The following HIF3A variants were observed in gnomAD, a reference collection of about 807,000 sequenced individuals.
HIF3A encodes the protein hypoxia-inducible factor 3-alpha.
Under a neutral mutation model 67.2 loss-of-function variants are expected in HIF3A, and 41 were observed. The ratio of observed to expected loss-of-function variants is 0.61; its 90% confidence interval spans 0.48 to 0.79. The LOEUF (loss-of-function observed/expected upper bound fraction) is 0.79, where lower values mean the gene tolerates loss of function less well. HIF3A is among the 30% of genes least tolerant of loss of function. The pLI, the probability that HIF3A is intolerant of heterozygous loss-of-function variation, is 0.00. For synonymous variants in HIF3A, 356 were observed against 374.8 expected (o/e 0.95, Z 0.58); for missense variants, 855 against 898.0 (o/e 0.95, Z 0.61).
At chr19:46,333,810 T>G (rs1304580089) in intron 13 of HIF3A, among the ~76,000 whole-genome samples, 1 of 143,862 alleles carries the variant, frequency 7.0e-6, no homozygotes, top group Non-Finnish European at 1.5e-5. Flanking sequence ...TTTTTTTTTT[T>G]GAGACAGAGT....
chr19:46,311,756 G>T (rs2147170962), intron 6 of HIF3A, among the ~76,000 whole-genome samples: 1 of 152,144 alleles, frequency 6.6e-6, no homozygotes, highest in Middle Eastern at 3.4e-3. Flanking sequence ...AGCTACTCAG[G>T]AGGCTGAGTC....
At chr19:46,330,055 G>A (rs1971084015) in intron 12 of HIF3A, among the ~76,000 whole-genome samples, 2 of 151,082 alleles carry the variant, frequency 1.3e-5, no homozygotes, top group African/African-American at 2.4e-5. Flanking sequence ...GAAGGAGGGA[G>A]GGAGGGAGGG....
chr19:46,325,889 AG>A (rs1452667201), intron 11 of HIF3A, among the ~76,000 whole-genome samples: 1 of 152,148 alleles, frequency 6.6e-6, no homozygotes, highest in African/African-American at 2.4e-5. Flanking sequence ...AAAAATGGAT[AG>A]GTGATACTTG....
At chr19:46,337,299 G>A (rs1971697617) in intron 14 of HIF3A, among the ~76,000 whole-genome samples, 1 of 152,040 alleles carries the variant, frequency 6.6e-6, no homozygotes, top group African/African-American at 2.4e-5. Context: ...TGCCCAGGCT[G>A]GAGCACAGTG....
At chr19:46,305,499 G>A in intron 3 of HIF3A, 109 bp downstream of exon 3, 2 of 1,063,754 alleles carry the variant, frequency 1.9e-6, no homozygotes, top group Non-Finnish European at 2.7e-6. Flanking sequence ...CAATACAAAG[G>A]GGATATAGGT....
intron 11 of HIF3A, among the ~76,000 whole-genome samples, chr19:46,327,119 C>T (rs1013980548): frequency 5.3e-5 from 8 of 151,938 alleles, no homozygotes; most frequent in African/African-American, 1.7e-4. Flanking sequence ...TGTGCCACTG[C>T]ACTCCAGCCT....
chr19:46,332,574 T>C (rs1971312577), intron 13 of HIF3A, among the ~76,000 whole-genome samples: 1 of 152,170 alleles, frequency 6.6e-6, no homozygotes, highest in Non-Finnish European at 1.5e-5. Flanking sequence ...GCCTGGACTA[T>C]GTCACTTCTG....
At chr19:46,313,143 C>T (rs1040221437) in intron 8 of HIF3A, 15 of 538,544 alleles carry the variant, frequency 2.8e-5, no homozygotes, top group African/African-American at 2.7e-4. Flanking sequence ...CCCAACTACT[C>T]GGGAGGCTGA....
chr19:46,309,424 C>A, intron 6 of HIF3A, 65 bp downstream of exon 6: 3 of 998,708 alleles, frequency 3.0e-6, no homozygotes, highest in Admixed American at 2.4e-5. Context: ...CACCTCCACA[C>A]TCCCGCATTT....
intron 10 of HIF3A, 73 bp from the exon 11 acceptor site, chr19:46,325,462 G>A: frequency 9.5e-7 from 1 of 1,048,700 alleles, no homozygotes; most frequent in African/African-American, 1.6e-5. Flanking sequence ...CTACCCTTGA[G>A]CTGCAGACTG....
intron 1 of HIF3A, among the ~76,000 whole-genome samples, chr19:46,302,150 G>C (rs766547887): frequency 2.6e-5 from 4 of 151,724 alleles, no homozygotes; most frequent in Non-Finnish European, 5.9e-5. Context: ...TTTGTTTTGA[G>C]ACGGAGTCTC....
chr19:46,302,074 A>G (rs1049312432), intron 1 of HIF3A, among the ~76,000 whole-genome samples: 2 of 152,114 alleles, frequency 1.3e-5, no homozygotes, highest in Non-Finnish European at 1.5e-5. Context: ...AACACATCAT[A>G]TAATAATTTT....
At chr19:46,317,412 C>T (rs1338995195) in intron 8 of HIF3A, among the ~76,000 whole-genome samples, 1 of 152,110 alleles carries the variant, frequency 6.6e-6, no homozygotes, top group Non-Finnish European at 1.5e-5. Flanking sequence ...TGAAGCTCCC[C>T]AGTATCCTCA....
Position 46,312,565 on chromosome 19 carries a change from T to C in HIF3A, c.937T>C (p.Tyr313His). Residue 313 changes from tyrosine (Y) to histidine (H), a missense_variant, in exon 8 of 15, where the codon TAC becomes CAC. This residue lies in a region of HIF3A where 638 missense variants were observed against 660.5 expected (regional missense o/e 0.97). Transcript: ENST00000377670. ...QYRFLARSGG[Y>H]LWTQTQATVV... ...TCGCTTCCTGGCCCGGAGTGGTGGCTACCTGTGGACCCAGACCCAGGCCAC... is the reference window on the plus strand; with the variant it reads ...TCGCTTCCTGGCCCGGAGTGGTGGCCACCTGTGGACCCAGACCCAGGCCAC... 2 of 1,613,248 alleles carry C rather than the reference T, an allele frequency of 1.2e-6. No homozygotes were observed. The highest frequency in any genetic ancestry group is 2.2e-5 in the South Asian group (2 of 90,880).
At chr19:46,317,947 T>G (rs576764272) in intron 8 of HIF3A, among the ~76,000 whole-genome samples, 11 of 152,196 alleles carry the variant, frequency 7.2e-5, no homozygotes, top group African/African-American at 2.6e-4. Context: ...CAAGTGATTC[T>G]CCTGTCTCAA....
intron 10 of HIF3A, among the ~76,000 whole-genome samples, chr19:46,322,737 G>A (rs554213530): frequency 6.6e-6 from 1 of 152,070 alleles, no homozygotes; most frequent in Non-Finnish European, 1.5e-5. Flanking sequence ...CACCGTACCT[G>A]GCTCTTTGGG....
intron 14 of HIF3A, among the ~76,000 whole-genome samples, chr19:46,336,071 TTC>T (rs1342682466): frequency 3.4e-5 from 5 of 149,002 alleles, no homozygotes; most frequent in Admixed American, 6.8e-5. Flanking sequence ...TTTATTTTCT[TTC>T]TCTCTCTCTC....
At chr19:46,304,297 C>T (rs1216722223) in intron 2 of HIF3A, 5 of 590,864 alleles carry the variant, frequency 8.5e-6, no homozygotes, top group South Asian at 2.0e-5. Context: ...CTGGGAGTCC[C>T]GCCCCCCTCG....
chr19:46,309,309 C>T lies in HIF3A; in HGVS notation c.720C>T (p.Ala240=). The change falls in exon 6 of 15, where the codon GCC becomes GCT. Residue 240 remains alanine (A), a synonymous_variant. Transcript: ENST00000377670. Reference sequence around the variant, plus strand: ...TGGAGCCCCCACTGGGCCGAGGGGCCTTCCTCAGCCGCCACAGCCTGGACA... The same window carrying T: ...TGGAGCCCCCACTGGGCCGAGGGGCTTTCCTCAGCCGCCACAGCCTGGACA... ...GSLEPPLGRG[A]FLSRHSLDMK... is the part of the protein sequence containing the mutation. 6.2e-7 allele frequency: 1 copy of T among 1,612,836 alleles called. No homozygotes were observed.
Sources: allele counts gnomAD v4.1 joint callset (sites outside exome capture counted in the v4.1 genomes callset), GRCh38; gene constraint gnomAD v4.1.1; regional missense constraint gnomAD v4.1.1; transcripts MANE v1.5; gene names NCBI Gene and HGNC (gene_info 2026-07-23, HGNC 2026-07-21).